The following ACTR3C variants were observed in gnomAD, a reference collection of about 807,000 sequenced individuals.
ACTR3C encodes the protein actin related protein 3C, also known as actin-related protein 3C.
Under a neutral mutation model 26.3 loss-of-function variants are expected in ACTR3C, and 18 were observed. The observed-to-expected ratio is 0.68, with a 90% CI of 0.47 to 1.01. The LOEUF (loss-of-function observed/expected upper bound fraction) is 1.01, where lower values mean the gene tolerates loss of function less well. ACTR3C is among the 50% of genes least tolerant of loss of function. The pLI is 0.00. For synonymous variants in ACTR3C, 55 were observed against 94.5 expected (o/e 0.58, Z 2.42); for missense variants, 184 against 250.7 (o/e 0.73, Z 1.80).
the ACTR3C span, among the ~76,000 whole-genome samples, chr7:150,039,873 CTCG>C: frequency 2.4e-5 from 3 of 125,892 alleles, no homozygotes; most frequent in Admixed American, 7.8e-5. Flanking sequence ...GGAAGAGGGG[CTCG>C]CTCTCAGTCC....
the ACTR3C span, among the ~76,000 whole-genome samples, chr7:150,043,623 C>G: frequency 6.6e-6 from 1 of 152,242 alleles, no homozygotes; most frequent in Non-Finnish European, 1.5e-5. Flanking sequence ...AACATTGCAA[C>G]TCTCCATGCT....
At chr7:149,960,357 C>T in the ACTR3C span, among the ~76,000 whole-genome samples, 2 of 152,244 alleles carry the variant, frequency 1.3e-5, no homozygotes, top group Admixed American at 6.5e-5. Context: ...CACAAAAATA[C>T]GGCTTACCAG....
intron 6 of ACTR3C, among the ~76,000 whole-genome samples, chr7:150,252,311 C>T (rs1412599526): frequency 2.0e-5 from 3 of 152,128 alleles, no homozygotes; most frequent in African/African-American, 7.2e-5. Flanking sequence ...ATTGCCCTGG[C>T]TCCAAAATGT....
the ACTR3C span, among the ~76,000 whole-genome samples, chr7:150,136,362 A>G: frequency 6.6e-6 from 1 of 152,142 alleles, no homozygotes. Context: ...GACCAGGTGA[A>G]CTTTTGTTTG....
chr7:149,946,436 T>C, the ACTR3C span, among the ~76,000 whole-genome samples: 1 of 152,296 alleles, frequency 6.6e-6, no homozygotes, highest in Admixed American at 6.5e-5. Flanking sequence ...TTTTGCTCTG[T>C]TTTTCAGTAT....
At chr7:150,231,621 T>G in the ACTR3C span, among the ~76,000 whole-genome samples, 5 of 151,086 alleles carry the variant, frequency 3.3e-5, no homozygotes, top group Non-Finnish European at 5.9e-5. Flanking sequence ...CTTCATGTAT[T>G]CTTTTATAGC....
the ACTR3C span, among the ~76,000 whole-genome samples, chr7:149,959,144 C>A: frequency 6.6e-6 from 1 of 152,128 alleles, no homozygotes; most frequent in East Asian, 1.9e-4. Flanking sequence ...ATGATCATTC[C>A]CTGAGCACTT....
the ACTR3C span, among the ~76,000 whole-genome samples, chr7:150,043,421 G>A: frequency 1.3e-5 from 2 of 152,132 alleles, no homozygotes; most frequent in East Asian, 3.9e-4. Context: ...TTTATGTTCA[G>A]GTTTTGCCCA....
chr7:150,054,774 T>G, the ACTR3C span, among the ~76,000 whole-genome samples: 1 of 152,242 alleles, frequency 6.6e-6, no homozygotes, highest in Admixed American at 6.5e-5. Flanking sequence ...ATGCTTCTTG[T>G]AGGCATTTCA....
At chr7:150,041,767 C>T in the ACTR3C span, among the ~76,000 whole-genome samples, 1 of 136,920 alleles carries the variant, frequency 7.3e-6, no homozygotes, top group Non-Finnish European at 1.6e-5. Flanking sequence ...GGAAGAGGGA[C>T]TGGCTCTCAG....
chr7:150,013,209 C>T, the ACTR3C span, among the ~76,000 whole-genome samples: 2 of 143,242 alleles, frequency 1.4e-5, no homozygotes, highest in South Asian at 4.9e-4. Context: ...GAGTTAAAAT[C>T]TCTCCTCCAG....
chr7:150,195,062 C>T, the ACTR3C span, among the ~76,000 whole-genome samples: 1 of 151,130 alleles, frequency 6.6e-6, no homozygotes, highest in African/African-American at 2.4e-5. Flanking sequence ...CCACTAGACT[C>T]CAGCCTGGGC....
At chr7:149,887,967 A>G in the ACTR3C span, among the ~76,000 whole-genome samples, 1 of 152,192 alleles carries the variant, frequency 6.6e-6, no homozygotes, top group South Asian at 2.1e-4. Flanking sequence ...GACCTCCTCA[A>G]CCTTGTGGAA....
the ACTR3C span, among the ~76,000 whole-genome samples, chr7:150,110,421 G>C: frequency 1.2e-4 from 17 of 142,874 alleles, no homozygotes; most frequent in African/African-American, 4.4e-4. Context: ...TGCTCAGCAA[G>C]GCTGGAAGCA....
the ACTR3C span, among the ~76,000 whole-genome samples, chr7:150,201,135 C>G: frequency 6.6e-6 from 1 of 152,168 alleles, no homozygotes. Flanking sequence ...AATTTTCTAA[C>G]AGTGAGCCTT....
the ACTR3C span, among the ~76,000 whole-genome samples, chr7:150,035,280 C>T: frequency 1.0e-4 from 6 of 59,690 alleles, no homozygotes; most frequent in East Asian, 5.4e-4. Flanking sequence ...GTCCCTGCCT[C>T]GTGGAGAGTG....
the ACTR3C span, among the ~76,000 whole-genome samples, chr7:150,154,861 C>T: frequency 1.3e-5 from 2 of 152,006 alleles, no homozygotes; most frequent in African/African-American, 4.8e-5. Context: ...TAGTGAATTG[C>T]CTGGGTGAGG....
chr7:150,160,306 A>G, the ACTR3C span, among the ~76,000 whole-genome samples: 1 of 152,122 alleles, frequency 6.6e-6, no homozygotes. Context: ...AATCCCTAGA[A>G]CATTTTGGTA....
the ACTR3C span, among the ~76,000 whole-genome samples, chr7:149,898,089 C>A: frequency 6.6e-6 from 1 of 152,162 alleles, no homozygotes; most frequent in Non-Finnish European, 1.5e-5. Flanking sequence ...TTCAGCAGAA[C>A]TGAAGAAAGC....
Sources: allele counts gnomAD v4.1 joint callset (sites outside exome capture counted in the v4.1 genomes callset), GRCh38; gene constraint gnomAD v4.1.1; transcripts MANE v1.5; gene names NCBI Gene and HGNC (gene_info 2026-07-23, HGNC 2026-07-21).